GPSM1: variants seen among roughly 807,000 people sequenced by gnomAD.
GPSM1 encodes G protein signaling modulator 1, also known as G protein-signaling modulator 1.
A neutral mutation model predicts 70.5 loss-of-function variants in GPSM1; 48 were observed. The observed-to-expected ratio is 0.68, with a 90% CI of 0.54 to 0.87. GPSM1 has a LOEUF of 0.87. Ranked by LOEUF, GPSM1 falls within the 40% of genes least tolerant of loss-of-function variation. The probability of loss-of-function intolerance (pLI) is 0.00; values close to 1 mark genes in which losing one functional copy is unlikely to be tolerated. For missense variants in GPSM1, 981 were observed against 972.6 expected, an observed-to-expected ratio of 1.01 and a Z score of -0.11; for synonymous variants, 416 against 430.1, an observed-to-expected ratio of 0.97 and a Z score of 0.41.
At chr9:136,351,807 C>T (rs1410933822) in intron 11 of GPSM1, among the ~76,000 whole-genome samples, 1 of 152,246 alleles carries the variant, frequency 6.6e-6, no homozygotes, top group Non-Finnish European at 1.5e-5. Context: ...CGTGGCAGGG[C>T]CTCTTGGCTT....
chr9:136,350,092 G>T (rs533341218), intron 11 of GPSM1, among the ~76,000 whole-genome samples: 14 of 152,318 alleles, frequency 9.2e-5, no homozygotes, highest in African/African-American at 3.4e-4. Context: ...TTGGGGGCTG[G>T]CTCTTCCCAG....
chr9:136,331,367 C>A lies in GPSM1; in HGVS notation c.69-3080C>A, dbSNP rs544996720. 4.0e-5 allele frequency among the ~76,000 whole-genome samples: 6 copies of A among 149,758 alleles called. 1 individual carries two copies. Among genetic ancestry groups the A allele is most frequent in the Non-Finnish European group, 6.0e-5 (4 of 67,058 alleles). On this transcript the variant is annotated intron_variant, in intron 1 of 13. Coordinates refer to ENST00000440944, the MANE Select transcript of GPSM1 (RefSeq NM_001145638.3). Reference sequence around the variant, plus strand: ...GCTGGCATGGTGAGGACTCTGAGCCCCCCCCCCCCGCTGCCCCATGCTGGC... The same window carrying A: ...GCTGGCATGGTGAGGACTCTGAGCCACCCCCCCCCGCTGCCCCATGCTGGC...
chr9:136,340,571 G>A lies in GPSM1; in HGVS notation c.1084-299G>A, dbSNP rs1832362973. On this transcript the variant is annotated intron_variant, in intron 8 of 13. Coordinates refer to ENST00000440944, the MANE Select transcript of GPSM1 (RefSeq NM_001145638.3). The surrounding 1 kb of genome is among the most constrained non-coding windows in gnomAD (Gnocchi z 7.3). ...GGCTGAGAGAGGTGCAGCCGGGCGG[G>A]GCCGGGCCCCTCGCGCACCGGAGGG... Among the ~76,000 whole-genome samples the A allele has an allele frequency of 6.6e-6, 1 of 152,090 alleles. No homozygotes were observed. The highest frequency in any genetic ancestry group is 2.4e-5 in the African/African-American group (1 of 41,406).
chr9:136,341,403 G>C lies in GPSM1; in HGVS notation c.1207+410G>C, dbSNP rs1490143399. The C allele has an allele frequency of 2.8e-6, 4 of 1,421,522 alleles. No individual in the cohort carries two copies. The highest frequency in any genetic ancestry group is 3.7e-6 in the Non-Finnish European group (4 of 1,092,596). The allele number at this position is 1,421,522 out of a possible 1,614,324, so 88.1% of individuals were successfully genotyped here. ...GGCTGGGCTGGGCTGGGCTGTGGGA[G>C]CCCTATGTGCCTGGGGCAGTAATCA... On this transcript the variant is annotated intron_variant, in intron 9 of 13. Transcript: ENST00000440944. This position sits in a 1 kb window ranked among gnomAD's most constrained non-coding sequence, Gnocchi z 6.7.
intron 9 of GPSM1, among the ~76,000 whole-genome samples, chr9:136,345,432 T>C (rs111576904): frequency 7.1e-4 from 108 of 152,312 alleles, no homozygotes; most frequent in African/African-American, 2.5e-3. Flanking sequence ...AGAGGGTGCA[T>C]TGAGCCAGGC....
chr9:136,334,985 C>T (rs1423262473), intron 2 of GPSM1, among the ~76,000 whole-genome samples: 2 of 152,156 alleles, frequency 1.3e-5, no homozygotes, highest in East Asian at 3.9e-4. Flanking sequence ...GTGGGGAAGC[C>T]CTCACCTGGA....
At position 136,331,953 on chromosome 9, in the gene GPSM1, G is replaced by A. The variant is rs896197510; in HGVS notation, c.69-2494G>A. ...AAGGCCAGCCCACCCCCCAGGACCCGTGGCCATGGTGGGGCGAGGGCTGGC... is the reference window on the plus strand; with the variant it reads ...AAGGCCAGCCCACCCCCCAGGACCCATGGCCATGGTGGGGCGAGGGCTGGC... On this transcript the variant is annotated intron_variant, in intron 1 of 13. Transcript: ENST00000440944. The A allele has an allele frequency of 1.8e-5, 7 of 398,200 alleles. No individual in the cohort carries two copies. In the Admixed American group the frequency reaches 1.8e-4, roughly 10 times the overall value. 24.7% of individuals were successfully genotyped at this position (398,200 alleles called of 1,614,324 possible). A position where few individuals can be genotyped will look rare whatever the true frequency, so the allele number is the denominator to read the frequency against.
At chr9:136,328,769 A>AGCCCCTAGCCTGGCTCCTGG (rs1832037257) in intron 1 of GPSM1, among the ~76,000 whole-genome samples, 1 of 152,034 alleles carries the variant, frequency 6.6e-6, no homozygotes, top group Non-Finnish European at 1.5e-5. Flanking sequence ...TGGAGCGCTG[A>AGCCCCTAGCCTGGCTCCTGG]GCCCCTAGCC....
chr9:136,347,068 T>C (rs781896691), intron 9 of GPSM1, among the ~76,000 whole-genome samples: 7 of 151,988 alleles, frequency 4.6e-5, no homozygotes, highest in Non-Finnish European at 7.4e-5. Context: ...AGGGGGTGTC[T>C]GGGCCTGCCC....
Position 136,341,413 on chromosome 9 carries a change from C to T in GPSM1, c.1207+420C>T. 1 of 1,417,598 alleles carries T rather than the reference C, an allele frequency of 7.1e-7. No individual in the cohort carries two copies. Among genetic ancestry groups the T allele is most frequent in the Non-Finnish European group, 9.2e-7 (1 of 1,090,498 alleles). 87.8% of individuals were successfully genotyped at this position (1,417,598 alleles called of 1,614,324 possible). A position where few individuals can be genotyped will look rare whatever the true frequency, so the allele number is the denominator to read the frequency against. On this transcript the variant is annotated intron_variant, in intron 9 of 13. Coordinates refer to ENST00000440944, the MANE Select transcript of GPSM1 (RefSeq NM_001145638.3). The surrounding 1 kb of genome is among the most constrained non-coding windows in gnomAD (Gnocchi z 6.7). Reference sequence around the variant, plus strand: ...GGCTGGGCTGTGGGAGCCCTATGTGCCTGGGGCAGTAATCAGGCAAGGCCC... The same window carrying T: ...GGCTGGGCTGTGGGAGCCCTATGTGTCTGGGGCAGTAATCAGGCAAGGCCC...
intron 11 of GPSM1, chr9:136,354,732 G>C (rs1431325413): frequency 1.3e-6 from 1 of 779,306 alleles, no homozygotes; most frequent in Non-Finnish European, 1.6e-6. Flanking sequence ...AGCCTCCCTT[G>C]TTTGGGTGTG....
chr9:136,339,460 C>T (rs1300808116), intron 7 of GPSM1, among the ~76,000 whole-genome samples: 3 of 152,202 alleles, frequency 2.0e-5, no homozygotes, highest in Non-Finnish European at 2.9e-5. Flanking sequence ...TTGGACTCTG[C>T]GCTAATCCTT....
chr9:136,347,028 T>C (rs28715547), intron 9 of GPSM1, among the ~76,000 whole-genome samples: 22,388 of 152,122 alleles, frequency 0.15, 1,730 homozygotes, highest in East Asian at 0.28. Flanking sequence ...GTGGCTGTGC[T>C]CCCTGATGCA....
rs143878180 is a variant in GPSM1 at position 136,337,810 on chromosome 9, C to T, written c.703-36C>T. Reference sequence around the variant, plus strand: ...CCGCCCACGTCAGGCCCCGGGGCTGCGCCATGACCACCTGGCCTCCGGTGT... The same window carrying T: ...CCGCCCACGTCAGGCCCCGGGGCTGTGCCATGACCACCTGGCCTCCGGTGT... On this transcript the variant is annotated intron_variant, in intron 5 of 13. Transcript: ENST00000440944. 2,045 of 1,508,608 alleles carry T rather than the reference C, an allele frequency of 1.4e-3. 3 individuals are homozygous for T. The highest frequency in any genetic ancestry group is 1.7e-3 in the Non-Finnish European group (1,868 of 1,086,966). The allele number at this position is 1,508,608 out of a possible 1,614,324, so 93.5% of individuals were successfully genotyped here. A position where few individuals can be genotyped will look rare whatever the true frequency, so the allele number is the denominator to read the frequency against.
chr9:136,350,006 G>A (rs782698394), intron 11 of GPSM1, among the ~76,000 whole-genome samples: 9 of 152,226 alleles, frequency 5.9e-5, no homozygotes, highest in Non-Finnish European at 1.3e-4. Flanking sequence ...GGAGCCTCCT[G>A]GGGACTCTAG....
chr9:136,358,200 T>A lies in GPSM1; in HGVS notation c.2008T>A (p.Cys670Ser). The change falls in exon 14 of 14, where the codon TGC becomes AGC. Residue 670 changes from cysteine (C) to serine (S), a missense_variant. Cys to Ser is a moderately radical substitution (Grantham distance 112, BLOSUM62 -1). Transcript: ENST00000440944. ...AGGPPEPQQQ[C>S]QPGAS ...CGGCCCGCCCGAGCCCCAGCAGCAG[T>A]GCCAGCCTGGTGCGAGCTAAGGCCC... 2 of 1,557,844 alleles carry A rather than the reference T, an allele frequency of 1.3e-6. No homozygotes were observed. Among genetic ancestry groups the A allele is most frequent in the Non-Finnish European group, 8.7e-7 (1 of 1,155,208 alleles).
Position 136,334,473 on chromosome 9 carries a change from C to A in GPSM1, c.95C>A (p.Ala32Glu), listed in dbSNP as rs782226568. ...SRMEASCLEL[A>E]LEGERLCKAG... ...ATGGAGGCGTCCTGCCTAGAGCTGG[C>A]GCTGGAGGGCGAGCGTCTGTGCAAG... The change falls in exon 2 of 14, where the codon GCG (alanine) becomes GAG (glutamate). Residue 32 changes from alanine (A) to glutamate (E), a missense_variant. By Grantham distance (107) the Ala-to-Glu change is moderately radical. Coordinates refer to ENST00000440944, the MANE Select transcript of GPSM1 (RefSeq NM_001145638.3). 6.2e-7 allele frequency: 1 copy of A among 1,612,490 alleles called. No individual in the cohort carries two copies. Among genetic ancestry groups the A allele is most frequent in the African/African-American group, 1.3e-5 (1 of 75,054 alleles).
rs139124467 is a variant in GPSM1 at position 136,358,507 on chromosome 9, G to A, written c.*287G>A. ...CCCGACCTGGTGCTGTCAGACTCCC[G>A]CATCCTCTCCCCCAAGCCCTTCCCG... On this transcript the variant is annotated 3_prime_UTR_variant, in exon 14 of 14. Transcript: ENST00000440944. 12,056 of 535,440 alleles carry A rather than the reference G, an allele frequency of 0.023. 219 individuals are homozygous for A. Among genetic ancestry groups the A allele is most frequent in the Middle Eastern group, 0.071 (146 of 2,066 alleles). 33.2% of individuals were successfully genotyped at this position (535,440 alleles called of 1,614,324 possible).
At chr9:136,335,211 C>T (rs1335198148) in intron 2 of GPSM1, among the ~76,000 whole-genome samples, 5 of 151,880 alleles carry the variant, frequency 3.3e-5, no homozygotes, top group Admixed American at 2.0e-4. Flanking sequence ...GGCCCACTCC[C>T]AGCCACTGCT....
Sources: allele counts gnomAD v4.1 joint callset (sites outside exome capture counted in the v4.1 genomes callset), GRCh38; gene constraint gnomAD v4.1.1; non-coding constraint Gnocchi (gnomAD v3.1); transcripts MANE v1.5; gene names NCBI Gene and HGNC (gene_info 2026-07-23, HGNC 2026-07-21).